Variants in RELN observed in about 807,000 individuals in gnomAD.
RELN encodes reelin.
Under a neutral mutation model 427.6 loss-of-function variants are expected in RELN, and 108 were observed. That is an observed-to-expected ratio of 0.25 (90% CI 0.22 to 0.30). The LOEUF (loss-of-function observed/expected upper bound fraction) is 0.30. RELN is among the 10% of genes least tolerant of loss of function. RELN has a pLI of 1.00. For missense variants in RELN, 3,715 were observed against 4,302.8 expected (o/e 0.86, Z 3.82); for synonymous variants, 1,524 against 1,513.4 (o/e 1.01, Z -0.16).
chr7:103,552,323 C>G (rs362722), intron 40 of RELN, among the ~76,000 whole-genome samples: 35,130 of 151,944 alleles, frequency 0.23, 4,933 homozygotes, highest in South Asian at 0.38. Context: ...ATAGGAACCA[C>G]TTATTGATAT....
intron 4 of RELN, among the ~76,000 whole-genome samples, chr7:103,758,728 G>C (rs967157741): frequency 5.4e-4 from 80 of 149,150 alleles, no homozygotes; most frequent in African/African-American, 2.0e-3. Context: ...AATGTTATGA[G>C]TGTCAAAACC....
intron 2 of RELN, among the ~76,000 whole-genome samples, chr7:103,912,165 C>T (rs551462256): frequency 1.3e-5 from 2 of 151,850 alleles, no homozygotes; most frequent in South Asian, 4.2e-4. Context: ...TACATTCCCC[C>T]CCAACTTGGA....
rs1310087423 is a variant in RELN, at chr7:103,796,875, C to CAAA, written c.474-20251_474-20249dup. Among the ~76,000 whole-genome samples, 341 of 65,412 alleles carry CAAA rather than the reference C, an allele frequency of 5.2e-3. 5 individuals carry two copies. Among genetic ancestry groups the CAAA allele is most frequent in the East Asian group, 6.9e-3 (12 of 1,732 alleles). The allele number at this position is 65,412 out of a possible 152,430, so 42.9% of individuals were successfully genotyped here. On this transcript the variant is annotated intron_variant, in intron 3 of 64. Transcript: ENST00000428762. ...GGCAAGAGAGCTAGACTCCATCTCA[C>CAAA]AAAAAAAAAAAAAAAAAAAGAAAGA...
chr7:103,709,562 A>G (rs1168743766), intron 8 of RELN, among the ~76,000 whole-genome samples: 2 of 152,182 alleles, frequency 1.3e-5, no homozygotes, highest in African/African-American at 2.4e-5. Flanking sequence ...AAAGATGAAC[A>G]TGCTTACTTG....
Position 103,594,579 on chromosome 7 carries a change from A to C in RELN, c.3540-87T>G, listed in dbSNP as rs1242873538. 6 of 1,402,048 alleles carry C rather than the reference A, an allele frequency of 4.3e-6. No individual in the cohort carries two copies. The East Asian group carries it at 1.4e-4, about 32-fold the overall frequency. The allele number at this position is 1,402,048 out of a possible 1,614,324, so 86.9% of individuals were successfully genotyped here. A position where few individuals can be genotyped will look rare whatever the true frequency, so the allele number is the denominator to read the frequency against. The stretch of plus-strand genomic sequence containing the variant: ...TATTAAAACAACAAGGGTAACAACA[A>C]GAGAAAAGTTTTGTTTGGTTTGATC... On this transcript the variant is annotated intron_variant, in intron 25 of 64. Coordinates refer to ENST00000428762, the MANE Select transcript of RELN (RefSeq NM_005045.4).
intron 1 of RELN, among the ~76,000 whole-genome samples, chr7:103,926,676 C>G (rs7812244): frequency 0.54 from 74,611 of 137,226 alleles, 20,235 homozygotes; most frequent in East Asian, 0.75. Flanking sequence ...ACGGAGTCTC[C>G]CTCTGTCGCC....
At chr7:103,616,669 C>T (rs977401391) in intron 20 of RELN, among the ~76,000 whole-genome samples, 1 of 151,768 alleles carries the variant, frequency 6.6e-6, no homozygotes, top group African/African-American at 2.4e-5. Context: ...CACACACATA[C>T]TTTTTTTTAA....
At position 103,730,378 on chromosome 7, in the gene RELN, C is replaced by T. The variant is rs541493084; in HGVS notation, c.657-2171G>A. ...CAGAATTCAGGTAGAAACTGGATAACTGTATAAAAGTGATGGCCTACAGCC... is the reference window on the plus strand; with the variant it reads ...CAGAATTCAGGTAGAAACTGGATAATTGTATAAAAGTGATGGCCTACAGCC... On this transcript the variant is annotated intron_variant, in intron 6 of 64. Transcript: ENST00000428762. Among the ~76,000 whole-genome samples, 27 of 151,948 alleles carry T rather than the reference C, an allele frequency of 1.8e-4. 1 individual carries two copies. The South Asian group carries it at 5.6e-3, about 32-fold the overall frequency.
intron 1 of RELN, among the ~76,000 whole-genome samples, chr7:103,939,343 G>A (rs1287235865): frequency 3.3e-5 from 5 of 152,120 alleles, no homozygotes; most frequent in Admixed American, 6.6e-5. Context: ...ATAGAAAAAT[G>A]AAGCAACATG....
At chr7:103,944,689 T>G (rs1328586514) in intron 1 of RELN, among the ~76,000 whole-genome samples, 2 of 152,136 alleles carry the variant, frequency 1.3e-5, no homozygotes, top group Admixed American at 6.6e-5. Context: ...GAGCAGTAGG[T>G]TGCCAGGTCA....
At chr7:103,780,275 A>G (rs1185619581) in intron 3 of RELN, among the ~76,000 whole-genome samples, 1 of 152,232 alleles carries the variant, frequency 6.6e-6, no homozygotes, top group East Asian at 1.9e-4. Context: ...TTAATATAAA[A>G]TCTAAGACAA....
At chr7:103,745,073 A>G (rs1249331274) in intron 6 of RELN, among the ~76,000 whole-genome samples, 2 of 152,236 alleles carry the variant, frequency 1.3e-5, no homozygotes, top group Non-Finnish European at 2.9e-5. Context: ...CACCATGATC[A>G]AGTGGGCTTC....
intron 5 of RELN, 96 bp downstream of exon 5, chr7:103,753,086 C>T (rs1224703570): frequency 1.6e-6 from 2 of 1,218,812 alleles, no homozygotes; most frequent in South Asian, 1.2e-5. Context: ...GAGAGGACAG[C>T]TTCCTTGCCT....
intron 31 of RELN, among the ~76,000 whole-genome samples, chr7:103,567,056 T>C (rs965155952): frequency 6.6e-6 from 1 of 152,228 alleles, no homozygotes; most frequent in Non-Finnish European, 1.5e-5. Context: ...AGATCACGTA[T>C]TTGAATTTTA....
chr7:103,547,383 A>T (rs1230797439), intron 41 of RELN, among the ~76,000 whole-genome samples: 1 of 152,098 alleles, frequency 6.6e-6, no homozygotes, highest in African/African-American at 2.4e-5. Context: ...TGCAACCTCC[A>T]CCTCCAGGGT....
chr7:103,957,398 T>C (rs539538550), intron 1 of RELN, among the ~76,000 whole-genome samples: 1 of 151,882 alleles, frequency 6.6e-6, no homozygotes, highest in African/African-American at 2.4e-5. Flanking sequence ...TCTAAGGGAG[T>C]TGACTCAGTC....
chr7:103,941,123 C>T (rs112577988), intron 1 of RELN, among the ~76,000 whole-genome samples: 23 of 152,224 alleles, frequency 1.5e-4, no homozygotes, highest in African/African-American at 4.1e-4. Flanking sequence ...GAGACTGACA[C>T]GAGACTGGTA....
At chr7:103,837,137 G>T (rs1793429574) in intron 2 of RELN, among the ~76,000 whole-genome samples, 1 of 152,018 alleles carries the variant, frequency 6.6e-6, no homozygotes, top group Non-Finnish European at 1.5e-5. Context: ...TTCCCTAAAT[G>T]GTCCTAGGTT....
At chr7:103,843,215 T>A (rs561257932) in intron 2 of RELN, among the ~76,000 whole-genome samples, 4 of 152,138 alleles carry the variant, frequency 2.6e-5, no homozygotes, top group Non-Finnish European at 5.9e-5. Flanking sequence ...GAAATTTTTT[T>A]TTTTTAGGAG....
Sources: gnomAD v4.1 joint callset for allele counts (sites outside exome capture counted in the v4.1 genomes callset) on GRCh38, gnomAD v4.1.1 for gene constraint, MANE v1.5 for transcripts, NCBI Gene and HGNC (gene_info 2026-07-23, HGNC 2026-07-21) for gene names.